Variants in CHFR observed in about 807,000 individuals in gnomAD.
The protein encoded by CHFR is checkpoint with forkhead and ring finger domains, also known as E3 ubiquitin-protein ligase CHFR.
In CHFR, 57 loss-of-function variants were observed where a neutral mutation model predicts 87.6. The observed-to-expected ratio is 0.65, with a 90% CI of 0.53 to 0.81. The LOEUF is 0.81. Among genes scored for constraint, CHFR ranks in the 30% least tolerant of loss-of-function variants. The pLI is 0.00. For synonymous variants in CHFR, 381 were observed against 359.2 expected (o/e 1.06, Z -0.69); for missense variants, 797 against 865.8 (o/e 0.92, Z 1.00).
intron 7 of CHFR, 109 bp from the exon 8 acceptor site, chr12:132,859,336 C>T: frequency 2.8e-6 from 3 of 1,088,030 alleles, no homozygotes; most frequent in Non-Finnish European, 2.6e-6. Context: ...CTGTCGTAAC[C>T]GAGAAGGAAA....
At chr12:132,882,879 A>C (rs1196234218) in intron 2 of CHFR, 1 of 151,740 alleles carries the variant, frequency 6.6e-6, no homozygotes, top group Non-Finnish European at 1.5e-5. Context: ...CTAATTTTTT[A>C]AGTTTTTGTA....
At chr12:132,847,575 C>T in intron 14 of CHFR, 1 of 1,064,908 alleles carries the variant, frequency 9.4e-7, no homozygotes, top group Non-Finnish European at 1.1e-6. Context: ...GGGCGCCTGC[C>T]AGGTGTGTCT....
chr12:132,880,486 G>A (rs1343694758), intron 2 of CHFR, among the ~76,000 whole-genome samples: 1 of 151,714 alleles, frequency 6.6e-6, no homozygotes, highest in Non-Finnish European at 1.5e-5. Flanking sequence ...GTGAAACCAC[G>A]TCTCTACCAA....
intron 11 of CHFR, 74 bp downstream of exon 11, chr12:132,853,357 C>T (rs564562551): frequency 3.1e-5 from 42 of 1,372,638 alleles, no homozygotes; most frequent in Middle Eastern, 5.1e-4. Context: ...AGCGCGGCCA[C>T]GTGCACGTCA....
intron 10 of CHFR, chr12:132,855,024 T>C (rs1345227281): frequency 1.3e-5 from 2 of 151,332 alleles, no homozygotes; most frequent in African/African-American, 4.9e-5. Flanking sequence ...GACGGATCAC[T>C]TGAGGTCAGG....
At chr12:132,852,134 C>G (rs1332572256) in intron 11 of CHFR, among the ~76,000 whole-genome samples, 1 of 150,728 alleles carries the variant, frequency 6.6e-6, no homozygotes, top group Non-Finnish European at 1.5e-5. Context: ...CAGGTGCCTG[C>G]CACGCCTGGC....
At chr12:132,865,103 C>T (rs1042569045) in intron 6 of CHFR, among the ~76,000 whole-genome samples, 2 of 152,222 alleles carry the variant, frequency 1.3e-5, no homozygotes, top group Non-Finnish European at 2.9e-5. Flanking sequence ...AGTAACCCCG[C>T]GTCCTGTCTG....
Position 132,856,559 on chromosome 12 carries a change from G to A in CHFR, c.1138C>T (p.Pro380Ser). 6.2e-7 allele frequency: 1 copy of A among 1,614,154 alleles called. No homozygotes were observed. The highest frequency in any genetic ancestry group is 2.2e-5 in the East Asian group (1 of 44,884). Residue 380 changes from proline (P) to serine (S), a missense_variant, in exon 10 of 18, where the codon CCC (proline) becomes TCC (serine). Physicochemically the swap from Pro to Ser is moderately conservative, Grantham distance 74. Coordinates refer to ENST00000450056, the MANE Select transcript of CHFR (RefSeq NM_001161346.2). ...TCAGAAAAAGACCGCCTGACTTTGG[G>A]CTGCAGCATGTCTTGAGTGATTTTA... ...RNKITQDMLQ[P>S]KVRRSFSDEE...
intron 6 of CHFR, 70 bp downstream of exon 6, chr12:132,869,549 C>A: frequency 7.0e-7 from 1 of 1,422,088 alleles, no homozygotes. Context: ...GCCTCTGTAA[C>A]AACACAGGTA....
chr12:132,873,298 G>A (rs982716104), intron 3 of CHFR, among the ~76,000 whole-genome samples: 13 of 152,144 alleles, frequency 8.5e-5, no homozygotes, highest in African/African-American at 2.9e-4. Flanking sequence ...CAGCTCTGCC[G>A]TCTGTAGCAG....
In CHFR at chr12:132,836,815, C is replaced by T. The variant is rs1012992231; in HGVS notation, c.*4739G>A. 1.3e-5 allele frequency: 6 copies of T among 454,628 alleles called. No homozygotes were observed. The highest frequency in any genetic ancestry group is 1.0e-4 in the African/African-American group (5 of 50,020). The allele number at this position is 454,628 out of a possible 1,614,324, so 28.2% of individuals were successfully genotyped here. On this transcript the variant is annotated 3_prime_UTR_variant, in exon 18 of 18. Coordinates refer to ENST00000450056, the MANE Select transcript of CHFR (RefSeq NM_001161346.2). Reference sequence around the variant, plus strand: ...GGGACGGCTCATCAGCTCATCAGACCTTCACCGTTCAGTAGCCAACTGGTC... The same window carrying T: ...GGGACGGCTCATCAGCTCATCAGACTTTCACCGTTCAGTAGCCAACTGGTC...
At chr12:132,863,055 C>G (rs1432155074) in intron 6 of CHFR, among the ~76,000 whole-genome samples, 1 of 149,016 alleles carries the variant, frequency 6.7e-6, no homozygotes, top group African/African-American at 2.5e-5. Flanking sequence ...CGCCACCACG[C>G]CCGGCTAATT....
chr12:132,847,868 A>G (rs913668409), intron 14 of CHFR: 1 of 1,403,610 alleles, frequency 7.1e-7, no homozygotes, highest in Non-Finnish European at 9.3e-7. Flanking sequence ...AGGCACAAAA[A>G]CGAAATACCT....
rs144198914 is a variant in CHFR at position 132,861,745 on chromosome 12, G to A, written c.584-111C>T. The A allele has an allele frequency of 2.2e-5, 21 of 976,480 alleles. 1 individual carries two copies. Among genetic ancestry groups the A allele is most frequent in the South Asian group, 7.8e-5 (5 of 63,850 alleles). The allele number at this position is 976,480 out of a possible 1,614,324, so 60.5% of individuals were successfully genotyped here. ...AGTGCAGCTGGCAGCCTGAGATGTC[G>A]TAGTTTAGGAATGACAAGTGGCTTA... On this transcript the variant is annotated intron_variant, in intron 6 of 17. Coordinates refer to ENST00000450056, the MANE Select transcript of CHFR (RefSeq NM_001161346.2).
At position 132,847,019 on chromosome 12, in the gene CHFR, G is replaced by A. The variant is rs1482370649; in HGVS notation, c.1735+24C>T. ...CCTGGACACTCACATGCGCCTTAGA[G>A]CAGGAGGCAACAGAAGAACTCACCA... On this transcript the variant is annotated intron_variant, in intron 15 of 17. Transcript: ENST00000450056. The A allele has an allele frequency of 5.1e-6, 8 of 1,568,572 alleles. No individual in the cohort carries two copies. The South Asian group carries it at 8.9e-5, about 17-fold the overall frequency.
chr12:132,866,553 C>T (rs544414978), intron 6 of CHFR: 8 of 147,280 alleles, frequency 5.4e-5, no homozygotes, highest in South Asian at 2.1e-4. Flanking sequence ...TACAACACAC[C>T]GCGATTGTTA....
chr12:132,886,476 A>G (rs1237577772), intron 2 of CHFR, among the ~76,000 whole-genome samples: 1 of 152,186 alleles, frequency 6.6e-6, no homozygotes, highest in African/African-American at 2.4e-5. Context: ...CAGACAAACT[A>G]AACATTTTTG....
intron 12 of CHFR, among the ~76,000 whole-genome samples, chr12:132,850,518 C>A (rs934367834): frequency 6.6e-6 from 1 of 152,134 alleles, no homozygotes; most frequent in African/African-American, 2.4e-5. Context: ...CAGTGGCCAG[C>A]GCCTGCCGTG....
rs960393779 is a variant in CHFR, at chr12:132,877,748, G to A, written c.134-94C>T. The A allele has an allele frequency of 1.0e-5, 7 of 692,328 alleles. No individual in the cohort carries two copies. The Admixed American group carries it at 1.5e-4, about 15-fold the overall frequency. The allele number at this position is 692,328 out of a possible 1,614,324, so 42.9% of individuals were successfully genotyped here. A position where few individuals can be genotyped will look rare whatever the true frequency, so the allele number is the denominator to read the frequency against. On this transcript the variant is annotated intron_variant, in intron 2 of 17. Coordinates refer to ENST00000450056, the MANE Select transcript of CHFR (RefSeq NM_001161346.2). Reference sequence around the variant, plus strand: ...TACCAAAGTATGTGGTTCCAACTCAGGATCCCCATTGTACATATGTAAAAA... The same window carrying A: ...TACCAAAGTATGTGGTTCCAACTCAAGATCCCCATTGTACATATGTAAAAA...
Sources: gnomAD v4.1 joint callset for allele counts (sites outside exome capture counted in the v4.1 genomes callset) on GRCh38, gnomAD v4.1.1 for gene constraint, MANE v1.5 for transcripts, NCBI Gene and HGNC (gene_info 2026-07-23, HGNC 2026-07-21) for gene names.